Variants in TSGA10 observed in about 807,000 individuals in gnomAD.
TSGA10 encodes testis-specific gene 10 protein.
Under a neutral mutation model 96.6 loss-of-function variants are expected in TSGA10, and 43 were observed. The ratio of observed to expected loss-of-function variants is 0.44; its 90% confidence interval spans 0.35 to 0.57. The LOEUF (loss-of-function observed/expected upper bound fraction) is 0.57. Among genes scored for constraint, TSGA10 ranks in the 20% least tolerant of loss-of-function variants. The probability of loss-of-function intolerance (pLI) is 0.01; values close to 1 mark genes in which losing one functional copy is unlikely to be tolerated. For synonymous variants in TSGA10, 229 were observed against 269.9 expected (o/e 0.85, Z 1.48); for missense variants, 703 against 834.4 (o/e 0.84, Z 1.94).
Position 99,042,708 on chromosome 2 carries a change from CT to C in TSGA10, c.1405-7270del, listed in dbSNP as rs762749031. On this transcript the variant is annotated intron_variant, in intron 16 of 20. Coordinates refer to ENST00000393483, the MANE Select transcript of TSGA10 (RefSeq NM_025244.4). ...GGTACTGTCTGCATTGTTTTGTGAG[CT>C]TTTTTTTTTTTTGAGACGGAGTCTT... Among the ~76,000 whole-genome samples the C allele has an allele frequency of 2.8e-3, 403 of 144,282 alleles. 1 individual carries two copies. Among genetic ancestry groups the C allele is most frequent in the Non-Finnish European group, 4.2e-3 (275 of 65,150 alleles). The allele number at this position is 144,282 out of a possible 152,430, so 94.7% of individuals were successfully genotyped here.
intron 17 of TSGA10, among the ~76,000 whole-genome samples, chr2:99,023,337 A>G (rs1021530937): frequency 6.6e-6 from 1 of 152,086 alleles, no homozygotes; most frequent in African/African-American, 2.4e-5. Context: ...TGGTTTGCAA[A>G]TGTTTTCTCA....
At chr2:99,081,758 T>C (rs114260395) in intron 10 of TSGA10, among the ~76,000 whole-genome samples, 426 of 152,232 alleles carry the variant, frequency 2.8e-3, no homozygotes, top group African/African-American at 9.7e-3. Flanking sequence ...GATGAGGCCA[T>C]AGAGATGTCT....
chr2:99,154,648 G>A, intron 1 of TSGA10, 45 bp downstream of exon 1: 1 of 195,764 alleles, frequency 5.1e-6, no homozygotes, highest in South Asian at 7.0e-5. Flanking sequence ...CCCTAAACTC[G>A]CTCCACGAAA....
intron 4 of TSGA10, among the ~76,000 whole-genome samples, chr2:99,111,250 A>C (rs1264007082): frequency 6.6e-6 from 1 of 152,146 alleles, no homozygotes; most frequent in East Asian, 1.9e-4. Flanking sequence ...GACTAGAATA[A>C]AATAAGTTGA....
chr2:99,078,076 CCTGA>C (rs1178721524), intron 12 of TSGA10, among the ~76,000 whole-genome samples: 1 of 151,188 alleles, frequency 6.6e-6, no homozygotes, highest in Non-Finnish European at 1.5e-5. Context: ...TTGAGACCAT[CCTGA>C]CTAACATGGT....
intron 1 of TSGA10, among the ~76,000 whole-genome samples, chr2:99,131,929 T>C (rs929601700): frequency 6.6e-6 from 1 of 152,146 alleles, no homozygotes. Context: ...TGTTTATTGA[T>C]TTGCGTATGT....
At chr2:99,150,398 C>A in intron 1 of TSGA10, 1 of 753,820 alleles carries the variant, frequency 1.3e-6, no homozygotes, top group East Asian at 2.6e-5. Flanking sequence ...CTAGTATCAC[C>A]ACAGCTTTTC....
chr2:99,011,641 C>A (rs1265016712), intron 20 of TSGA10, among the ~76,000 whole-genome samples: 1 of 152,164 alleles, frequency 6.6e-6, no homozygotes, highest in Non-Finnish European at 1.5e-5. Flanking sequence ...TGGACCTCCT[C>A]CCTGACCTTT....
chr2:99,137,464 A>C (rs2093371935), intron 1 of TSGA10, among the ~76,000 whole-genome samples: 1 of 152,250 alleles, frequency 6.6e-6, no homozygotes, highest in Non-Finnish European at 1.5e-5. Context: ...ACAAGGGCCA[A>C]ATCATGTAAG....
At chr2:99,120,962 G>A (rs759745595) in intron 2 of TSGA10, among the ~76,000 whole-genome samples, 20 of 152,046 alleles carry the variant, frequency 1.3e-4, no homozygotes, top group African/African-American at 2.4e-4. Flanking sequence ...TCAGCACAGC[G>A]TCCTTTAGAT....
intron 1 of TSGA10, among the ~76,000 whole-genome samples, chr2:99,127,894 T>A (rs757246027): frequency 3.3e-5 from 5 of 152,238 alleles, no homozygotes; most frequent in Non-Finnish European, 5.9e-5. Flanking sequence ...TAGAAATTTA[T>A]ACTACAGCTA....
At chr2:99,130,495 G>C (rs1422247958) in intron 1 of TSGA10, among the ~76,000 whole-genome samples, 1 of 151,840 alleles carries the variant, frequency 6.6e-6, no homozygotes, top group African/African-American at 2.4e-5. Flanking sequence ...TTGTAAATTT[G>C]TTTAAGTTCC....
intron 12 of TSGA10, among the ~76,000 whole-genome samples, chr2:99,076,934 T>C (rs999591352): frequency 2.6e-5 from 4 of 152,074 alleles, no homozygotes; most frequent in Admixed American, 6.5e-5. Context: ...CCAGGCACCA[T>C]CACTTAATGG....
intron 7 of TSGA10, among the ~76,000 whole-genome samples, chr2:99,107,158 C>A (rs1230703072): frequency 6.6e-6 from 1 of 152,132 alleles, no homozygotes; most frequent in East Asian, 1.9e-4. Context: ...TGTCATGCAA[C>A]CCTCCTTCTT....
chr2:99,154,630 G>A (rs1434367639), intron 1 of TSGA10, 63 bp downstream of exon 1: 2 of 185,218 alleles, frequency 1.1e-5, no homozygotes, highest in Non-Finnish European at 2.3e-5. Context: ...TGGGCTTCTG[G>A]GGGCTCCCCC....
At position 99,154,805 on chromosome 2, in the gene TSGA10, G is replaced by C. The variant is rs2516832; in HGVS notation, c.-733C>G. On this transcript the variant is annotated 5_prime_UTR_variant, in exon 1 of 21. Transcript: ENST00000393483. ...TCGAACGTAGCCTGCGTCCCTGCCT[G>C]GAACCTGGTTCCCGCCCTGAAGGAC... 0.62 allele frequency: 201,743 copies of C among 323,692 alleles called. 64,349 individuals are homozygous for C. The highest frequency in any genetic ancestry group is 0.89 in the East Asian group (9,557 of 10,742). The allele number at this position is 323,692 out of a possible 1,614,324, so 20.1% of individuals were successfully genotyped here. A position where few individuals can be genotyped will look rare whatever the true frequency, so the allele number is the denominator to read the frequency against.
chr2:99,086,641 T>C (rs546599457), intron 10 of TSGA10, among the ~76,000 whole-genome samples: 20 of 152,276 alleles, frequency 1.3e-4, no homozygotes, highest in African/African-American at 4.6e-4. Flanking sequence ...GTTACAAAGA[T>C]GAAAGGCTGA....
At chr2:99,059,213 C>T (rs1394011965) in intron 16 of TSGA10, among the ~76,000 whole-genome samples, 7 of 150,984 alleles carry the variant, frequency 4.6e-5, no homozygotes, top group Admixed American at 6.6e-5. Context: ...ACCTACTATC[C>T]AGGAATTATT....
intron 10 of TSGA10, among the ~76,000 whole-genome samples, chr2:99,088,147 C>T (rs2088796284): frequency 6.6e-6 from 1 of 152,098 alleles, no homozygotes; most frequent in Non-Finnish European, 1.5e-5. Context: ...AAAGCTAGTA[C>T]AATTCTAGAC....
Sources: allele counts gnomAD v4.1 joint callset (sites outside exome capture counted in the v4.1 genomes callset), GRCh38; gene constraint gnomAD v4.1.1; transcripts MANE v1.5; gene names NCBI Gene and HGNC (gene_info 2026-07-23, HGNC 2026-07-21).